Variants in KALRN observed in about 807,000 individuals in gnomAD.
KALRN encodes the protein kalirin.
In KALRN, 70 loss-of-function variants were observed where a neutral mutation model predicts 353.7. The ratio of observed to expected loss-of-function variants is 0.20; its 90% CI spans 0.16 to 0.24. The LOEUF (loss-of-function observed/expected upper bound fraction) is 0.24, where lower values mean the gene tolerates loss of function less well. Ranked by LOEUF, KALRN falls within the 10% of genes least tolerant of loss-of-function variation. The pLI is 1.00. For synonymous variants in KALRN, 1,391 were observed against 1,434.8 expected (o/e 0.97, Z 0.69); for missense variants, 2,791 against 3,756.7 (o/e 0.74, Z 6.72).
intron 3 of KALRN, among the ~76,000 whole-genome samples, chr3:124,239,662 A>G (rs895061): frequency 0.94 from 143,286 of 152,306 alleles, 68,025 homozygotes; most frequent in East Asian, 1. Context: ...TATGGCCTGC[A>G]CTGTCTTTGT....
intron 33 of KALRN, among the ~76,000 whole-genome samples, chr3:124,522,514 T>G (rs1196571850): frequency 2.6e-5 from 4 of 152,154 alleles, no homozygotes; most frequent in Admixed American, 2.6e-4. Context: ...TCTCATGGCA[T>G]GTACCAATGC....
At chr3:124,470,029 C>T (rs958380668) in intron 25 of KALRN, among the ~76,000 whole-genome samples, 1 of 152,216 alleles carries the variant, frequency 6.6e-6, no homozygotes, top group African/African-American at 2.4e-5. Flanking sequence ...CCAGCAGTTT[C>T]ATTTCCCAGG....
At chr3:124,047,117 C>A (rs566278134) in intron 1 of KALRN, among the ~76,000 whole-genome samples, 20 of 150,946 alleles carry the variant, frequency 1.3e-4, no homozygotes, top group African/African-American at 4.1e-4. Flanking sequence ...TATAAATATT[C>A]ACATAATTCA....
At chr3:124,062,022 C>T (rs146713047) in intron 1 of KALRN, among the ~76,000 whole-genome samples, 2 of 152,294 alleles carry the variant, frequency 1.3e-5, no homozygotes, top group Non-Finnish European at 1.5e-5. Context: ...GTTAGAAATG[C>T]AGGATCTCAG....
chr3:124,299,819 T>A (rs1277433966), intron 6 of KALRN, among the ~76,000 whole-genome samples: 1 of 152,168 alleles, frequency 6.6e-6, no homozygotes, highest in African/African-American at 2.4e-5. Context: ...CACTTCGGGA[T>A]ATATTTTTGT....
intron 10 of KALRN, among the ~76,000 whole-genome samples, chr3:124,371,461 T>G (rs1368540344): frequency 2.0e-5 from 3 of 152,186 alleles, no homozygotes; most frequent in Non-Finnish European, 4.4e-5. Flanking sequence ...GTAACAGAAT[T>G]GCTGGGTTGT....
intron 2 of KALRN, among the ~76,000 whole-genome samples, chr3:124,229,909 T>G (rs1444148639): frequency 2.0e-5 from 3 of 152,238 alleles, no homozygotes; most frequent in Non-Finnish European, 4.4e-5. Context: ...ATGAGCCCCC[T>G]GCCACTGAAG....
chr3:124,148,912 G>A (rs757567421), intron 1 of KALRN, among the ~76,000 whole-genome samples: 1 of 152,114 alleles, frequency 6.6e-6, no homozygotes, highest in Non-Finnish European at 1.5e-5. Flanking sequence ...TCATTTTTTA[G>A]TTGGGGAGAA....
chr3:124,469,863 C>T (rs757285322), intron 25 of KALRN, among the ~76,000 whole-genome samples: 47 of 152,304 alleles, frequency 3.1e-4, no homozygotes, highest in Admixed American at 7.2e-4. Flanking sequence ...CAAGATTGTG[C>T]GCTCCTTAAT....
chr3:124,249,444 G>T (rs183502049), intron 3 of KALRN, among the ~76,000 whole-genome samples: 3 of 152,352 alleles, frequency 2.0e-5, no homozygotes, highest in Admixed American at 6.5e-5. Context: ...AAGGCAGGAA[G>T]AAGCTGTAGA....
chr3:124,059,974 T>C (rs538431327), intron 1 of KALRN, among the ~76,000 whole-genome samples: 33 of 152,370 alleles, frequency 2.2e-4, no homozygotes, highest in African/African-American at 7.7e-4. Context: ...GAATAAATGT[T>C]GGAAAATCTT....
intron 1 of KALRN, chr3:124,094,919 T>C (rs2149384562): frequency 6.2e-7 from 1 of 1,608,882 alleles, no homozygotes; most frequent in Non-Finnish European, 8.5e-7. Context: ...CCTGAGTGTG[T>C]GTATGCTTGT....
intron 33 of KALRN, among the ~76,000 whole-genome samples, chr3:124,516,965 C>G (rs530225078): frequency 2.0e-5 from 3 of 152,172 alleles, no homozygotes; most frequent in South Asian, 2.1e-4. Flanking sequence ...TTACAGGCGC[C>G]TGCCACCACA....
In KALRN at chr3:124,562,875, C is replaced by A; in HGVS notation, c.4968C>A (p.Leu1656=). 1 of 1,367,232 alleles carries A rather than the reference C, an allele frequency of 7.3e-7. No individual in the cohort carries two copies. The highest frequency in any genetic ancestry group is 9.8e-7 in the Non-Finnish European group (1 of 1,021,794). The allele number at this position is 1,367,232 out of a possible 1,614,324, so 84.7% of individuals were successfully genotyped here. A position where few individuals can be genotyped will look rare whatever the true frequency, so the allele number is the denominator to read the frequency against. Residue 1656 remains leucine (L), a synonymous_variant, in exon 34 of 60, where the codon CTC becomes CTA. Transcript: ENST00000682506. ...GTGGATGTGAGCTGACAGTGGTCCT[C>A]CAGGACTTCAGTGCGGGCCACAGCA... ...LSGGCELTVV[L]QDFSAGHSSE... is the part of the protein sequence containing the mutation.
chr3:124,166,775 A>G (rs534376097), intron 1 of KALRN, among the ~76,000 whole-genome samples: 9 of 152,294 alleles, frequency 5.9e-5, no homozygotes, highest in Admixed American at 2.6e-4. Context: ...GTGGTGGCTC[A>G]TACCTGTAAT....
intron 3 of KALRN, among the ~76,000 whole-genome samples, chr3:124,241,664 C>T (rs1332850709): frequency 6.6e-6 from 1 of 152,242 alleles, no homozygotes; most frequent in Middle Eastern, 3.4e-3. Context: ...CATTTGGTTG[C>T]GTCTCCTTCT....
chr3:124,117,440 A>G (rs1167361031), intron 1 of KALRN, among the ~76,000 whole-genome samples: 1 of 152,152 alleles, frequency 6.6e-6, no homozygotes, highest in African/African-American at 2.4e-5. Context: ...GTGTGATTTG[A>G]AGGATGCTAC....
intron 1 of KALRN, among the ~76,000 whole-genome samples, chr3:124,202,927 G>A (rs1457396218): frequency 6.6e-6 from 1 of 152,024 alleles, no homozygotes; most frequent in African/African-American, 2.4e-5. Flanking sequence ...GCAGTGTGTC[G>A]TGCCAGCTGG....
intron 1 of KALRN, among the ~76,000 whole-genome samples, chr3:124,069,365 G>A (rs13080938): frequency 0.037 from 1,164 of 31,438 alleles, 165 homozygotes; most frequent in Middle Eastern, 0.17. Context: ...GGAGGAGGAG[G>A]AGGAGGAAAT....
Sources: allele counts gnomAD v4.1 joint callset (sites outside exome capture counted in the v4.1 genomes callset), GRCh38; gene constraint gnomAD v4.1.1; transcripts MANE v1.5; gene names NCBI Gene and HGNC (gene_info 2026-07-23, HGNC 2026-07-21).